The following CACNA2D3 variants were observed in gnomAD, a reference collection of about 807,000 sequenced individuals.
The protein encoded by CACNA2D3 is voltage-dependent calcium channel subunit alpha-2/delta-3.
In CACNA2D3, 60 loss-of-function variants were observed where a neutral mutation model predicts 160.6. The observed-to-expected ratio is 0.37, with a 90% CI of 0.30 to 0.46. The LOEUF (loss-of-function observed/expected upper bound fraction) is 0.46. CACNA2D3 is among the 20% of genes least tolerant of loss of function. The pLI is 1.00. For missense variants in CACNA2D3, 1,205 were observed against 1,365.0 expected, an observed-to-expected ratio of 0.88 and a Z score of 1.85; for synonymous variants, 558 against 492.9, an observed-to-expected ratio of 1.13 and a Z score of -1.75.
At chr3:54,332,441 C>G (rs1198864532) in intron 3 of CACNA2D3, among the ~76,000 whole-genome samples, 2 of 152,152 alleles carry the variant, frequency 1.3e-5, no homozygotes, top group Non-Finnish European at 2.9e-5. Context: ...TTTTAAGCAG[C>G]TTTACTGAGA....
At chr3:54,853,435 A>G (rs934315844) in intron 17 of CACNA2D3, among the ~76,000 whole-genome samples, 1 of 152,170 alleles carries the variant, frequency 6.6e-6, no homozygotes, top group Non-Finnish European at 1.5e-5. Context: ...CATTCACCAA[A>G]CATTTGTTGA....
At chr3:54,712,070 A>C (rs758671231) in intron 11 of CACNA2D3, among the ~76,000 whole-genome samples, 4 of 152,184 alleles carry the variant, frequency 2.6e-5, no homozygotes, top group African/African-American at 9.6e-5. Context: ...TTAAAATTCT[A>C]ACTCTACAAC....
chr3:54,722,011 A>G (rs891946759), intron 11 of CACNA2D3, among the ~76,000 whole-genome samples: 26 of 152,146 alleles, frequency 1.7e-4, no homozygotes, highest in Admixed American at 1.6e-3. Context: ...GTGTTTTCCA[A>G]CTTGGTTCCA....
intron 4 of CACNA2D3, among the ~76,000 whole-genome samples, chr3:54,420,124 GC>G (rs1439382084): frequency 1.3e-5 from 2 of 150,182 alleles, no homozygotes; most frequent in African/African-American, 4.9e-5. Context: ...TCGCTCTGTC[GC>G]CCAGGCTGGA....
chr3:54,612,229 T>A (rs1229940200), intron 9 of CACNA2D3, among the ~76,000 whole-genome samples: 1 of 152,226 alleles, frequency 6.6e-6, no homozygotes, highest in Non-Finnish European at 1.5e-5. Context: ...GAGAATTTCT[T>A]TTTCCTAAAT....
At chr3:55,052,160 C>G (rs150741481) in intron 35 of CACNA2D3, among the ~76,000 whole-genome samples, 2 of 152,158 alleles carry the variant, frequency 1.3e-5, no homozygotes, top group African/African-American at 4.8e-5. Flanking sequence ...AAAATATTTT[C>G]TCATTTTCCT....
intron 2 of CACNA2D3, among the ~76,000 whole-genome samples, chr3:54,262,132 A>C (rs1337734942): frequency 6.6e-6 from 1 of 152,152 alleles, no homozygotes; most frequent in East Asian, 1.9e-4. Flanking sequence ...CAGGCTGTAT[A>C]ATTGCTGGAC....
At chr3:54,809,751 C>G (rs1027168634) in intron 13 of CACNA2D3, among the ~76,000 whole-genome samples, 3 of 151,174 alleles carry the variant, frequency 2.0e-5, no homozygotes, top group African/African-American at 7.3e-5. Flanking sequence ...CTCTCCCTCC[C>G]TCCCTGATCT....
chr3:54,852,339 T>G (rs1245110369), intron 17 of CACNA2D3, among the ~76,000 whole-genome samples: 1 of 152,238 alleles, frequency 6.6e-6, no homozygotes, highest in Non-Finnish European at 1.5e-5. Context: ...TGGAGGCCAG[T>G]GGGTGGAAAG....
At chr3:54,401,525 G>C (rs779780240) in intron 4 of CACNA2D3, among the ~76,000 whole-genome samples, 10 of 152,104 alleles carry the variant, frequency 6.6e-5, no homozygotes, top group Non-Finnish European at 1.5e-4. Flanking sequence ...TCACATATAA[G>C]GGAAATCATC....
chr3:55,038,665 C>T (rs1654366618), intron 35 of CACNA2D3, among the ~76,000 whole-genome samples: 1 of 151,852 alleles, frequency 6.6e-6, no homozygotes, highest in African/African-American at 2.4e-5. Context: ...ACCTGTTGAA[C>T]TCTTTTTAAC....
intron 11 of CACNA2D3, among the ~76,000 whole-genome samples, chr3:54,736,636 T>G (rs1701537352): frequency 6.6e-6 from 1 of 152,238 alleles, no homozygotes; most frequent in South Asian, 2.1e-4. Flanking sequence ...TGTATTTGTA[T>G]TGGTGCTTAA....
At chr3:54,190,622 G>A (rs1700960944) in intron 2 of CACNA2D3, among the ~76,000 whole-genome samples, 3 of 152,196 alleles carry the variant, frequency 2.0e-5, no homozygotes, top group African/African-American at 7.2e-5. Context: ...AAATACTCCT[G>A]CTGTTGTGCC....
intron 8 of CACNA2D3, among the ~76,000 whole-genome samples, chr3:54,574,990 A>C (rs1702558202): frequency 6.6e-6 from 1 of 152,252 alleles, no homozygotes; most frequent in African/African-American, 2.4e-5. Context: ...AAAGTAATCG[A>C]TTCCGTATTA....
intron 4 of CACNA2D3, among the ~76,000 whole-genome samples, chr3:54,460,456 A>G (rs1700481806): frequency 6.6e-6 from 1 of 152,162 alleles, no homozygotes; most frequent in Admixed American, 6.5e-5. Flanking sequence ...TTCATTGAGC[A>G]GTGGTTTGTA....
At position 55,073,466 on chromosome 3, in the gene CACNA2D3, C is replaced by T. The variant is rs1400092460; in HGVS notation, c.3009C>T (p.Ile1003=). ...ACAGGTCCTTTGTCATCCAGCAAAT[C>T]CCAAGCAGCAACCTGTTCATGGTGG... ...DCSKSFVIQQ[I]PSSNLFMVVV... The change falls in exon 36 of 38, where the codon ATC becomes ATT. Residue 1003 remains isoleucine, a synonymous_variant. Transcript: ENST00000474759. 3 of 1,613,866 alleles carry T rather than the reference C, an allele frequency of 1.9e-6. No homozygotes were observed. Among genetic ancestry groups the T allele is most frequent in the Non-Finnish European group, 2.5e-6 (3 of 1,179,810 alleles).
intron 11 of CACNA2D3, among the ~76,000 whole-genome samples, chr3:54,698,480 G>A (rs1465350020): frequency 6.6e-6 from 1 of 152,128 alleles, no homozygotes; most frequent in African/African-American, 2.4e-5. Context: ...AAAACATAAG[G>A]CGTGTTTAAT....
At chr3:54,590,990 G>A (rs35633152) in intron 9 of CACNA2D3, among the ~76,000 whole-genome samples, 2,554 of 152,178 alleles carry the variant, frequency 0.017, 37 homozygotes, top group Non-Finnish European at 0.025. Context: ...TTGGAGAAAA[G>A]CTCAGACGAC....
chr3:54,493,737 TG>T (rs1193587399), intron 4 of CACNA2D3, among the ~76,000 whole-genome samples: 6 of 152,266 alleles, frequency 3.9e-5, no homozygotes, highest in African/African-American at 1.4e-4. Flanking sequence ...TCCTGCTGCC[TG>T]GGTTGACCAA....
Sources: allele counts gnomAD v4.1 joint callset (sites outside exome capture counted in the v4.1 genomes callset), GRCh38; gene constraint gnomAD v4.1.1; transcripts MANE v1.5; gene names NCBI Gene and HGNC (gene_info 2026-07-23, HGNC 2026-07-21).